The following E2F8 variants were observed in gnomAD, a reference collection of about 807,000 sequenced individuals.
The protein encoded by E2F8 is E2F transcription factor 8.
Under a neutral mutation model 80.8 loss-of-function variants are expected in E2F8, and 35 were observed. The observed-to-expected ratio is 0.43, with a 90% CI of 0.33 to 0.57. E2F8 has a LOEUF of 0.57. Ranked by LOEUF, E2F8 falls within the 20% of genes least tolerant of loss-of-function variation. The pLI is 0.04. For synonymous variants in E2F8, 386 were observed against 395.0 expected, an observed-to-expected ratio of 0.98 and a Z score of 0.27; for missense variants, 975 against 1,056.2, an observed-to-expected ratio of 0.92 and a Z score of 1.07.
In E2F8 at chr11:19,224,499, A is replaced by G. The variant is rs535315073; in HGVS notation, c.*159T>C. The G allele has an allele frequency of 8.7e-3, 4,062 of 468,270 alleles. 48 individuals carry two copies. The highest frequency in any genetic ancestry group is 0.015 in the East Asian group (355 of 23,284). The allele number at this position is 468,270 out of a possible 1,614,324, so 29.0% of individuals were successfully genotyped here. Reference sequence around the variant, plus strand: ...TGTGTGTGTGTGTGTGTGTGTGTGTATATATATATATGTATGAAAACAACT... The same window carrying G: ...TGTGTGTGTGTGTGTGTGTGTGTGTGTATATATATATGTATGAAAACAACT... On this transcript the variant is annotated 3_prime_UTR_variant, in exon 13 of 13. Coordinates refer to ENST00000250024, the MANE Select transcript of E2F8 (RefSeq NM_024680.4).
At chr11:19,232,155 C>A (rs1305493859) in intron 7 of E2F8, 79 bp downstream of exon 7, 18 of 1,568,974 alleles carry the variant, frequency 1.1e-5, no homozygotes, top group Admixed American at 1.8e-5. Context: ...GGGAGGGGAA[C>A]AACACACACT....
intron 4 of E2F8, among the ~76,000 whole-genome samples, chr11:19,236,535 A>G (rs1164200506): frequency 6.6e-6 from 1 of 152,224 alleles, no homozygotes; most frequent in Non-Finnish European, 1.5e-5. Context: ...AGATTAATAG[A>G]TATTTGCTGA....
chr11:19,233,951 C>T (rs1482654884), intron 6 of E2F8, among the ~76,000 whole-genome samples: 1 of 151,044 alleles, frequency 6.6e-6, no homozygotes, highest in Non-Finnish European at 1.5e-5. Context: ...AGATCGAGAT[C>T]CTCCTGGCCA....
At position 19,234,934 on chromosome 11, in the gene E2F8, G is replaced by A. The variant is rs144097514; in HGVS notation, c.576C>T (p.Thr192=). 1.2e-6 allele frequency: 2 copies of A among 1,614,174 alleles called. No individual in the cohort carries two copies. Among genetic ancestry groups the A allele is most frequent in the South Asian group, 2.2e-5 (2 of 91,082 alleles). The stretch of plus-strand genomic sequence containing the variant: ...TATTCTCCTCCCCGATGCTCTTCAA[G>A]GTGCCAAGGGTTTTGTTGAGATTGT... The part of the protein sequence containing the change: ...GRHNLNKTLG[T]LKSIGEENKY... Residue 192 remains threonine (T), a synonymous_variant, in exon 5 of 13, where the codon ACC becomes ACT. Coordinates refer to ENST00000250024, the MANE Select transcript of E2F8 (RefSeq NM_024680.4).
Position 19,230,220 on chromosome 11 carries a change from TA to T in E2F8, c.1358+20del. The T allele has an allele frequency of 3.1e-6, 5 of 1,602,558 alleles. No individual in the cohort carries two copies. Among genetic ancestry groups the T allele is most frequent in the Non-Finnish European group, 4.3e-6 (5 of 1,174,848 alleles). Reference sequence around the variant, plus strand: ...ATGTAAAAGTAATTCATCCTGTTATTAAAGAGGATTGCCAACCTACCTTGAT... The same window carrying T: ...ATGTAAAAGTAATTCATCCTGTTATTAAGAGGATTGCCAACCTACCTTGAT... On this transcript the variant is annotated intron_variant, in intron 9 of 12. Coordinates refer to ENST00000250024, the MANE Select transcript of E2F8 (RefSeq NM_024680.4).
rs751658800 is a variant in E2F8 at position 19,225,201 on chromosome 11, T to C, written c.2421+20A>G. ...CTTAGTAATTCCAGGAAAAATTAAA[T>C]TAAGTAGAAAGCCTCTCACCTGTTG... On this transcript the variant is annotated intron_variant, in intron 12 of 12. Coordinates refer to ENST00000250024, the MANE Select transcript of E2F8 (RefSeq NM_024680.4). The C allele has an allele frequency of 1.3e-6, 2 of 1,599,304 alleles. No homozygotes were observed. Among genetic ancestry groups the C allele is most frequent in the Non-Finnish European group, 8.5e-7 (1 of 1,173,890 alleles).
At position 19,229,409 on chromosome 11, in the gene E2F8, A is replaced by G. The variant is rs111943624; in HGVS notation, c.1893+45T>C. 1.3e-6 allele frequency: 2 copies of G among 1,555,176 alleles called. No homozygotes were observed. Among genetic ancestry groups the G allele is most frequent in the Non-Finnish European group, 8.7e-7 (1 of 1,153,938 alleles). ...CAAGCCACCAATCTTCCTGTAATAG[A>G]CTAGGGAATTCCTAAAGCTTTGTGC... On this transcript the variant is annotated intron_variant, in intron 10 of 12. Transcript: ENST00000250024. The surrounding 1 kb of genome is among the most constrained non-coding windows in gnomAD (Gnocchi z 4.3).
chr11:19,234,720 G>A lies in E2F8; in HGVS notation c.766+24C>T, dbSNP rs1425560577. Reference sequence around the variant, plus strand: ...ACAGAGGACAAATGCCATGCCGCCTGGAGTTTTCACTACCATCTCTCACCT... The same window carrying A: ...ACAGAGGACAAATGCCATGCCGCCTAGAGTTTTCACTACCATCTCTCACCT... On this transcript the variant is annotated intron_variant, in intron 5 of 12. Coordinates refer to ENST00000250024, the MANE Select transcript of E2F8 (RefSeq NM_024680.4). The A allele has an allele frequency of 2.5e-6, 4 of 1,591,848 alleles. 1 individual carries two copies. The South Asian group carries it at 4.6e-5, about 18-fold the overall frequency.
intron 2 of E2F8, among the ~76,000 whole-genome samples, chr11:19,239,044 C>T (rs1170571132): frequency 6.6e-6 from 1 of 152,154 alleles, no homozygotes; most frequent in African/African-American, 2.4e-5. Context: ...ACACACTACT[C>T]CCATCTTTAT....
intron 7 of E2F8, among the ~76,000 whole-genome samples, chr11:19,231,444 C>T (rs1352227822): frequency 5.9e-5 from 9 of 152,168 alleles, no homozygotes; most frequent in African/African-American, 1.4e-4. Flanking sequence ...AACTAATCCT[C>T]GAAGAAGTAG....
chr11:19,225,638 A>G (rs1851217332), intron 11 of E2F8, 23 bp from the exon 12 acceptor site: 3 of 1,611,020 alleles, frequency 1.9e-6, no homozygotes, highest in South Asian at 1.1e-5. Flanking sequence ...GGGGGAAGAT[A>G]TCTTAAAAGC....
At position 19,225,570 on chromosome 11, in the gene E2F8, G is replaced by C. The variant is rs1851215389; in HGVS notation, c.2072C>G (p.Pro691Arg). The change falls in exon 12 of 13, where the codon CCC becomes CGC. Residue 691 changes from proline (P) to arginine (R), a missense_variant. Transcript: ENST00000250024. ...TSSELTAVNF[P>R]SFHVTPLKLM... The stretch of plus-strand genomic sequence containing the variant: ...CTTCAACGGTGTTACATGAAAAGAG[G>C]GAAAATTAACAGCAGTGAGTTCAGA... The C allele has an allele frequency of 6.2e-7, 1 of 1,614,034 alleles. No individual in the cohort carries two copies. The highest frequency in any genetic ancestry group is 1.3e-5 in the African/African-American group (1 of 74,906).
In E2F8 at chr11:19,233,145, G is replaced by A. The variant is rs146396524; in HGVS notation, c.929-774C>T. Reference sequence around the variant, plus strand: ...AGTAACCCCTCAGTAGTATCAGGACGTGTTTTCTGAAATTGCAGATCTCCC... The same window carrying A: ...AGTAACCCCTCAGTAGTATCAGGACATGTTTTCTGAAATTGCAGATCTCCC... On this transcript the variant is annotated intron_variant, in intron 6 of 12. Coordinates refer to ENST00000250024, the MANE Select transcript of E2F8 (RefSeq NM_024680.4). 2.8e-3 allele frequency among the ~76,000 whole-genome samples: 424 copies of A among 152,264 alleles called. 2 individuals are homozygous for A. The highest frequency in any genetic ancestry group is 9.6e-3 in the African/African-American group (398 of 41,546).
In E2F8 at chr11:19,229,557, T is replaced by C. The variant is rs1464843797; in HGVS notation, c.1790A>G (p.Glu597Gly). Residue 597 changes from glutamate (E) to glycine (G), a missense_variant, in exon 10 of 13, where the codon GAG becomes GGG. Glu to Gly is a moderately conservative substitution (Grantham distance 98). Coordinates refer to ENST00000250024, the MANE Select transcript of E2F8 (RefSeq NM_024680.4). The surrounding 1 kb of genome is among the most constrained non-coding windows in gnomAD (Gnocchi z 4.3). ...CTTTGAGCCTCTTTCTCCAGCTGGCTCCCTGGTTCGGCTCTTTGCCCCTTG... is the reference window on the plus strand; with the variant it reads ...CTTTGAGCCTCTTTCTCCAGCTGGCCCCCTGGTTCGGCTCTTTGCCCCTTG... ...ERQGAKSRTREPAGERGSKRA... is the reference protein window; with the variant it reads ...ERQGAKSRTRGPAGERGSKRA... The C allele has an allele frequency of 6.2e-6, 10 of 1,614,250 alleles. No homozygotes were observed. The highest frequency in any genetic ancestry group is 5.9e-6 in the Non-Finnish European group (7 of 1,180,038).
Position 19,229,528 on chromosome 11 carries a change from C to T in E2F8, c.1819G>A (p.Ala607Thr). 6.2e-7 allele frequency: 1 copy of T among 1,614,258 alleles called. No individual in the cohort carries two copies. The highest frequency in any genetic ancestry group is 2.2e-5 in the East Asian group (1 of 44,888). The change falls in exon 10 of 13, where the codon GCA (alanine) becomes ACA (threonine). Residue 607 changes from alanine to threonine, a missense_variant. Ala to Thr is a moderately conservative substitution (Grantham distance 58). Coordinates refer to ENST00000250024, the MANE Select transcript of E2F8 (RefSeq NM_024680.4). This position sits in a 1 kb window ranked among gnomAD's most constrained non-coding sequence, Gnocchi z 4.3. ...GAACCACTGTCCTCGAGCATGCTTG[C>T]CCTCTTTGAGCCTCTTTCTCCAGCT... ...EPAGERGSKR[A>T]SMLEDSGSKK...
rs1366420718 is a variant in E2F8 at position 19,229,996 on chromosome 11, A to G, written c.1359-8T>C. On this transcript the variant is annotated splice_polypyrimidine_tract_variant and splice_region_variant and intron_variant, in intron 9 of 12. Coordinates refer to ENST00000250024, the MANE Select transcript of E2F8 (RefSeq NM_024680.4). The surrounding 1 kb of genome is among the most constrained non-coding windows in gnomAD (Gnocchi z 4.3). ...ACTTTCTGTCTGGATTCACTGAAAG[A>G]CAAGATTTAATACACGACATGATGG... 1 of 1,612,754 alleles carries G rather than the reference A, an allele frequency of 6.2e-7. No homozygotes were observed. The highest frequency in any genetic ancestry group is 1.7e-5 in the Admixed American group (1 of 60,016).
intron 10 of E2F8, among the ~76,000 whole-genome samples, chr11:19,227,032 G>A (rs1590122239): frequency 1.3e-5 from 2 of 152,330 alleles, no homozygotes; most frequent in Admixed American, 1.3e-4. Context: ...TTACACGGGT[G>A]CCTGAACTGC....
intron 4 of E2F8, 108 bp downstream of exon 4, chr11:19,237,206 A>C (rs540012657): frequency 1.8e-6 from 2 of 1,090,872 alleles, no homozygotes; most frequent in East Asian, 5.0e-5. Context: ...ATGCCGGCTT[A>C]TTTGTGTCAT....
chr11:19,225,796 C>A lies in E2F8; in HGVS notation c.1962G>T (p.Leu654Phe), dbSNP rs1050585837. 1.9e-6 allele frequency: 3 copies of A among 1,613,992 alleles called. No homozygotes were observed. Among genetic ancestry groups the A allele is most frequent in the East Asian group, 2.2e-5 (1 of 44,880 alleles). Residue 654 changes from leucine to phenylalanine, a missense_variant, in exon 11 of 13, where the codon TTG becomes TTT. Physicochemically the swap from Leu to Phe is conservative, Grantham distance 22 (BLOSUM62 0). Coordinates refer to ENST00000250024, the MANE Select transcript of E2F8 (RefSeq NM_024680.4). The stretch of plus-strand genomic sequence containing the variant: ...GAGCACTTGAGTTTTCTTTACCAGA[C>A]AAAATGGACTCTGCCCCCAGGGATG... ...QCSSLGAESI[L>F]SGKENSSALS...
Sources: gnomAD v4.1 joint callset for allele counts (sites outside exome capture counted in the v4.1 genomes callset) on GRCh38, gnomAD v4.1.1 for gene constraint, Gnocchi (gnomAD v3.1) non-coding constraint, MANE v1.5 for transcripts, NCBI Gene and HGNC (gene_info 2026-07-23, HGNC 2026-07-21) for gene names.